ADGRL2: variants seen among roughly 807,000 people sequenced by gnomAD.
ADGRL2 encodes adhesion G protein-coupled receptor L2, also known as calcium-independent alpha-latrotoxin receptor 2.
Under a neutral mutation model 157.4 loss-of-function variants are expected in ADGRL2, and 44 were observed. That is an observed-to-expected ratio of 0.28 (90% CI 0.22 to 0.36). ADGRL2 has a LOEUF of 0.36. Among genes scored for constraint, ADGRL2 ranks in the 10% least tolerant of loss-of-function variants. The pLI is 1.00. For missense variants in ADGRL2, 1,510 were observed against 1,768.9 expected (o/e 0.85, Z 2.63); for synonymous variants, 585 against 624.7 (o/e 0.94, Z 0.95).
intron 1 of ADGRL2, among the ~76,000 whole-genome samples, chr1:81,710,012 T>C (rs1269339047): frequency 3.3e-5 from 5 of 152,200 alleles, no homozygotes; most frequent in African/African-American, 9.7e-5. Context: ...TAATCACCTG[T>C]GGTGTGTCTC....
chr1:81,335,943 TAGC>T (rs1661612708), intron 1 of ADGRL2, among the ~76,000 whole-genome samples: 1 of 152,252 alleles, frequency 6.6e-6, no homozygotes, highest in African/African-American at 2.4e-5. Context: ...CTTCAATCAA[TAGC>T]ACCATTAGCT....
intron 1 of ADGRL2, among the ~76,000 whole-genome samples, chr1:81,436,601 A>C (rs2077414225): frequency 6.6e-6 from 1 of 152,220 alleles, no homozygotes; most frequent in South Asian, 2.1e-4. Flanking sequence ...TAGCCTGCAT[A>C]AAGAACCAAT....
chr1:81,411,607 A>G (rs1015272559), intron 1 of ADGRL2, among the ~76,000 whole-genome samples: 1 of 152,162 alleles, frequency 6.6e-6, no homozygotes. Flanking sequence ...AAGTTTTAAG[A>G]AAGGGCCAGG....
chr1:81,801,627 C>T (rs758180155), intron 1 of ADGRL2, among the ~76,000 whole-genome samples: 1 of 152,210 alleles, frequency 6.6e-6, no homozygotes, highest in Non-Finnish European at 1.5e-5. Context: ...CAGCGGCCAC[C>T]GCTCAGCCCC....
chr1:81,361,823 T>A (rs12049631), intron 1 of ADGRL2, among the ~76,000 whole-genome samples: 77,250 of 151,644 alleles, frequency 0.51, 21,676 homozygotes, highest in East Asian at 0.72. Flanking sequence ...CAATTTTTGA[T>A]ATCTGTCCTA....
chr1:81,802,239 G>T (rs1225491698), intron 1 of ADGRL2, among the ~76,000 whole-genome samples: 2 of 152,048 alleles, frequency 1.3e-5, no homozygotes, highest in African/African-American at 2.4e-5. Flanking sequence ...GGTAAGAGCC[G>T]CAGGAGCGAA....
exon 2 of ADGRL2, chr1:81,445,077 G>A (rs903829069): frequency 4.6e-5 from 7 of 152,162 alleles, no homozygotes; most frequent in Admixed American, 3.3e-4. Context: ...TGGAGCCTAC[G>A]TAGATTCATA....
chr1:81,358,106 C>T (rs1026959120), intron 1 of ADGRL2, among the ~76,000 whole-genome samples: 7 of 150,266 alleles, frequency 4.7e-5, no homozygotes, highest in African/African-American at 7.3e-5. Flanking sequence ...AAGCCCCCAG[C>T]GTGAAAATTA....
At chr1:81,828,945 C>T (rs1257599492) in intron 1 of ADGRL2, among the ~76,000 whole-genome samples, 1 of 150,848 alleles carries the variant, frequency 6.6e-6, no homozygotes, top group Non-Finnish European at 1.5e-5. Context: ...AAGTCTTGCT[C>T]TTGTTGCCTG....
In ADGRL2 at chr1:81,307,489, A is replaced by G. The variant is rs534743354; in HGVS notation, c.-302+980A>G. Among the ~76,000 whole-genome samples, 4 of 152,296 alleles carry G rather than the reference A, an allele frequency of 2.6e-5. 1 individual carries two copies. Among genetic ancestry groups the G allele is most frequent in the African/African-American group, 9.6e-5 (4 of 41,570 alleles). On this transcript the variant is annotated intron_variant, in intron 1 of 24. Transcript: ENST00000370721. ...ATATAATTAGAACATTCCAGTTACA[A>G]TTTAGATTTCAATAAATGCAATATG...
intron 1 of ADGRL2, among the ~76,000 whole-genome samples, chr1:81,428,977 A>C (rs2077270371): frequency 6.6e-6 from 1 of 152,148 alleles, no homozygotes; most frequent in Non-Finnish European, 1.5e-5. Context: ...TTTCTGAGCC[A>C]CCACGATGTT....
chr1:81,730,984 A>T (rs1223889212), intron 1 of ADGRL2, among the ~76,000 whole-genome samples: 1 of 152,216 alleles, frequency 6.6e-6, no homozygotes, highest in Non-Finnish European at 1.5e-5. Flanking sequence ...GATATGGTAA[A>T]ATTATGAATA....
At chr1:81,987,105 T>C in intron 22 of ADGRL2, 76 bp downstream of exon 22, 1 of 1,515,738 alleles carries the variant, frequency 6.6e-7, no homozygotes, top group Non-Finnish European at 8.9e-7. Context: ...GTTTCTAAAA[T>C]ATTCAAGTTG....
intron 2 of ADGRL2, among the ~76,000 whole-genome samples, chr1:81,457,070 A>G (rs549121610): frequency 3.9e-5 from 6 of 152,264 alleles, no homozygotes; most frequent in Non-Finnish European, 8.8e-5. Flanking sequence ...ATCCCCCAAT[A>G]TGGTGCTAAA....
In ADGRL2 at chr1:81,440,009, G is replaced by A. The variant is rs2077478236; in HGVS notation, c.-301-5027G>A. Among the ~76,000 whole-genome samples the A allele has an allele frequency of 2.0e-5, 3 of 152,212 alleles. No individual in the cohort carries two copies. The South Asian group carries it at 6.2e-4, about 32-fold the overall frequency. ...ACCAACTGAGTCTGTGGTCTTTAAA[G>A]GCACAGGGTGGGGAGTGCATGCTGA... On this transcript the variant is annotated intron_variant, in intron 1 of 24. Transcript: ENST00000370721.
At chr1:81,466,484 T>A (rs533128012) in intron 2 of ADGRL2, among the ~76,000 whole-genome samples, 1 of 152,154 alleles carries the variant, frequency 6.6e-6, no homozygotes, top group African/African-American at 2.4e-5. Context: ...CAGGTCTGCA[T>A]TGAAGAGATT....
intron 3 of ADGRL2, among the ~76,000 whole-genome samples, chr1:81,619,902 CA>C (rs751964179): frequency 1.3e-5 from 2 of 151,736 alleles, no homozygotes; most frequent in Non-Finnish European, 2.9e-5. Context: ...TGACCTTGAG[CA>C]AGTTACCTAG....
chr1:81,943,256 A>G lies in ADGRL2; in HGVS notation c.697A>G (p.Ile233Val), dbSNP rs976533411. ...CTTTAACAAAGAAAGAACGAGGAAT[A>G]TTGTGAAATTTGACTTGAGGACTAG... ...VFFNKERTRN[I>V]VKFDLRTRIK... The change falls in exon 6 of 24, where the codon ATT becomes GTT. Residue 233 changes from isoleucine (I) to valine (V), a missense_variant. By Grantham distance (29) the Ile-to-Val change is conservative (BLOSUM62 3). Transcript: ENST00000686636. This position sits in a 1 kb window ranked among gnomAD's most constrained non-coding sequence, Gnocchi z 5.6. The G allele has an allele frequency of 1.2e-6, 2 of 1,613,506 alleles. No homozygotes were observed. The highest frequency in any genetic ancestry group is 8.5e-7 in the Non-Finnish European group (1 of 1,179,692).
At chr1:81,868,706 A>G (rs999631395) in intron 2 of ADGRL2, among the ~76,000 whole-genome samples, 1 of 152,084 alleles carries the variant, frequency 6.6e-6, no homozygotes, top group African/African-American at 2.4e-5. Flanking sequence ...TACAACATTC[A>G]TACCTACAAA....
Sources: gnomAD v4.1 joint callset for allele counts (sites outside exome capture counted in the v4.1 genomes callset) on GRCh38, gnomAD v4.1.1 for gene constraint, Gnocchi (gnomAD v3.1) non-coding constraint, MANE v1.5 for transcripts, NCBI Gene and HGNC (gene_info 2026-07-23, HGNC 2026-07-21) for gene names.